TRAF3: variants seen among roughly 807,000 people sequenced by gnomAD.
The protein encoded by TRAF3 is TNF receptor associated factor 3, also known as TNF receptor-associated factor 3.
TRAF3 carries 13 observed loss-of-function variants against 62.3 expected under a neutral mutation model. That is an observed-to-expected ratio of 0.21 (90% CI 0.14 to 0.33). The LOEUF (loss-of-function observed/expected upper bound fraction) is 0.33. TRAF3 is among the 10% of genes least tolerant of loss of function. The probability of loss-of-function intolerance (pLI) is 1.00; values close to 1 mark genes in which losing one functional copy is unlikely to be tolerated. For missense variants in TRAF3, 440 were observed against 741.8 expected (o/e 0.59, Z 4.73); for synonymous variants, 269 against 283.4 (o/e 0.95, Z 0.51).
chr14:102,817,989 AG>A (rs1899640847), intron 1 of TRAF3, among the ~76,000 whole-genome samples: 1 of 152,110 alleles, frequency 6.6e-6, no homozygotes, highest in Non-Finnish European at 1.5e-5. Context: ...TGCACTGGGA[AG>A]GCTGGAGAGG....
At chr14:102,876,588 T>C in intron 6 of TRAF3, 63 bp downstream of exon 6, 1 of 1,579,118 alleles carries the variant, frequency 6.3e-7, no homozygotes, top group Non-Finnish European at 8.6e-7. Context: ...TCCACAGGCC[T>C]TCCGCTCAAT....
intron 1 of TRAF3, among the ~76,000 whole-genome samples, chr14:102,797,340 T>C (rs998424982): frequency 2.6e-5 from 4 of 152,208 alleles, no homozygotes; most frequent in African/African-American, 9.6e-5. Context: ...ATTCTATATA[T>C]GATGAGGTCT....
chr14:102,818,627 C>G (rs759134945), intron 1 of TRAF3, among the ~76,000 whole-genome samples: 1 of 152,208 alleles, frequency 6.6e-6, no homozygotes, highest in Non-Finnish European at 1.5e-5. Context: ...CCCATTCCCC[C>G]GCTCCCAGCC....
chr14:102,777,774 C>T (rs970363548), intron 1 of TRAF3, 99 bp downstream of exon 1: 3 of 144,028 alleles, frequency 2.1e-5, no homozygotes, highest in African/African-American at 5.0e-5. Flanking sequence ...GGCCCGGGGG[C>T]CTCGGGGCTG....
chr14:102,873,595 G>A (rs1888469592), intron 4 of TRAF3, among the ~76,000 whole-genome samples: 1 of 152,188 alleles, frequency 6.6e-6, no homozygotes, highest in African/African-American at 2.4e-5. Flanking sequence ...TGGAGAGAAT[G>A]GAGCTGTCTG....
chr14:102,812,431 A>G (rs1395041981), intron 1 of TRAF3, among the ~76,000 whole-genome samples: 1 of 152,146 alleles, frequency 6.6e-6, no homozygotes, highest in Non-Finnish European at 1.5e-5. Flanking sequence ...CTGTTTGGCT[A>G]TTGTGAATAG....
intron 2 of TRAF3, among the ~76,000 whole-genome samples, chr14:102,847,006 ATAAG>A (rs1205824529): frequency 1.3e-5 from 2 of 152,174 alleles, no homozygotes; most frequent in Non-Finnish European, 2.9e-5. Flanking sequence ...ATGCTTTTCT[ATAAG>A]TAAGTAATAC....
chr14:102,888,129 A>G (rs1486185043), intron 7 of TRAF3, among the ~76,000 whole-genome samples: 1 of 152,228 alleles, frequency 6.6e-6, no homozygotes, highest in Non-Finnish European at 1.5e-5. Context: ...CTGGCTTAAC[A>G]TGTAATAGCG....
At chr14:102,838,208 T>A (rs1886145295) in intron 2 of TRAF3, among the ~76,000 whole-genome samples, 1 of 152,188 alleles carries the variant, frequency 6.6e-6, no homozygotes, top group African/African-American at 2.4e-5. Flanking sequence ...AGAAGTAAAT[T>A]AATAACTAAG....
At chr14:102,891,288 G>C (rs763539329) in intron 8 of TRAF3, 37 bp from the exon 9 acceptor site, 2 of 1,595,224 alleles carry the variant, frequency 1.3e-6, no homozygotes, top group Admixed American at 3.4e-5. Context: ...GAAATGCAGC[G>C]AGGTTCGCTG....
At chr14:102,803,532 A>G (rs906703509) in intron 1 of TRAF3, among the ~76,000 whole-genome samples, 9 of 152,068 alleles carry the variant, frequency 5.9e-5, no homozygotes, top group African/African-American at 1.9e-4. Context: ...TAGCAGTTTT[A>G]GTTATCTAGG....
intron 1 of TRAF3, among the ~76,000 whole-genome samples, chr14:102,816,289 GA>G (rs1045071398): frequency 1.3e-5 from 2 of 151,890 alleles, no homozygotes; most frequent in African/African-American, 4.8e-5. Flanking sequence ...TTTTTGTAGA[GA>G]TGGGGTTTTA....
intron 4 of TRAF3, among the ~76,000 whole-genome samples, chr14:102,875,140 C>G (rs1345297343): frequency 6.6e-6 from 1 of 152,132 alleles, no homozygotes; most frequent in Non-Finnish European, 1.5e-5. Flanking sequence ...AATATGGTCT[C>G]TTATGTGGTC....
chr14:102,900,853 C>T (rs1446302767), intron 10 of TRAF3, among the ~76,000 whole-genome samples: 1 of 152,262 alleles, frequency 6.6e-6, no homozygotes, highest in East Asian at 1.9e-4. Flanking sequence ...TGCAGTCTGT[C>T]TCTTCAGCTC....
In TRAF3 at chr14:102,905,937, G is replaced by A. The variant is rs776152690; in HGVS notation, c.*153G>A. On this transcript the variant is annotated 3_prime_UTR_variant, in exon 12 of 12. Coordinates refer to ENST00000392745, the MANE Select transcript of TRAF3 (RefSeq NM_145725.3). The stretch of plus-strand genomic sequence containing the variant: ...CGCGTGCCGGCGGGAGGAGCCACGC[G>A]TGAGCACACCTGACACGTTTTATAA... 9.7e-5 allele frequency: 61 copies of A among 631,186 alleles called. No homozygotes were observed. Among genetic ancestry groups the A allele is most frequent in the Middle Eastern group, 4.3e-4 (1 of 2,332 alleles). The allele number at this position is 631,186 out of a possible 1,614,324, so 39.1% of individuals were successfully genotyped here.
In TRAF3 at chr14:102,897,299, G is replaced by A. The variant is rs892063532; in HGVS notation, c.858G>A (p.Lys286=). The change falls in exon 10 of 12, where the codon AAG becomes AAA. Residue 286 remains lysine, a synonymous_variant. Transcript: ENST00000392745. ...LLQNESVEKN[K]SIQSLHNQIC... ...AGAATGAAAGTGTAGAAAAAAACAA[G>A]AGCATACAAAGTTTGCACAATCAGA... is the stretch of plus-strand genomic sequence containing the variant. 1.2e-6 allele frequency: 2 copies of A among 1,613,536 alleles called. No homozygotes were observed. Among genetic ancestry groups the A allele is most frequent in the African/African-American group, 2.7e-5 (2 of 74,840 alleles).
intron 10 of TRAF3, among the ~76,000 whole-genome samples, chr14:102,898,647 C>T (rs894766778): frequency 1.3e-5 from 2 of 152,252 alleles, no homozygotes; most frequent in African/African-American, 2.4e-5. Context: ...GAAGAATGCA[C>T]AAGTACTGGA....
chr14:102,796,495 T>G (rs1898091817), intron 1 of TRAF3, among the ~76,000 whole-genome samples: 1 of 152,292 alleles, frequency 6.6e-6, no homozygotes, highest in Non-Finnish European at 1.5e-5. Context: ...GGGTCAGAAG[T>G]TCTAGAGGCC....
At chr14:102,785,742 C>T (rs931047455) in intron 1 of TRAF3, among the ~76,000 whole-genome samples, 23 of 152,122 alleles carry the variant, frequency 1.5e-4, no homozygotes, top group Non-Finnish European at 2.5e-4. Flanking sequence ...AACGTGCAAC[C>T]AGGAGGGGTC....
Sources: allele counts gnomAD v4.1 joint callset (sites outside exome capture counted in the v4.1 genomes callset), GRCh38; gene constraint gnomAD v4.1.1; transcripts MANE v1.5; gene names NCBI Gene and HGNC (gene_info 2026-07-23, HGNC 2026-07-21).